ZMYM5: variants seen among roughly 807,000 people sequenced by gnomAD.
ZMYM5 encodes the protein zinc finger MYM-type containing 5.
Under a neutral mutation model 61.8 loss-of-function variants are expected in ZMYM5, and 41 were observed. The observed-to-expected ratio is 0.66, with a 90% CI of 0.52 to 0.86. The LOEUF (loss-of-function observed/expected upper bound fraction) is 0.86, where lower values mean the gene tolerates loss of function less well. ZMYM5 is among the 40% of genes least tolerant of loss of function. ZMYM5 has a pLI of 0.00. For synonymous variants in ZMYM5, 257 were observed against 276.4 expected, an observed-to-expected ratio of 0.93 and a Z score of 0.70; for missense variants, 706 against 786.7, an observed-to-expected ratio of 0.90 and a Z score of 1.23.
intron 7 of ZMYM5, among the ~76,000 whole-genome samples, chr13:19,828,008 G>T (rs1891001292): frequency 1.1e-5 from 1 of 93,458 alleles, no homozygotes; most frequent in African/African-American, 4.5e-5. Flanking sequence ...GACAGAGCGA[G>T]ACTCCATCTC....
chr13:19,831,432 T>C (rs1891208834), intron 7 of ZMYM5, among the ~76,000 whole-genome samples: 3 of 151,998 alleles, frequency 2.0e-5, no homozygotes, highest in Non-Finnish European at 4.4e-5. Context: ...ACTGAGTTAC[T>C]CTGTATTACT....
intron 2 of ZMYM5, among the ~76,000 whole-genome samples, chr13:19,854,232 T>A (rs1348364450): frequency 1.3e-5 from 2 of 152,074 alleles, no homozygotes; most frequent in Non-Finnish European, 2.9e-5. Flanking sequence ...ATGGTCTTGA[T>A]CTCTTGACCT....
At chr13:19,850,905 C>A (rs1433989471) in intron 4 of ZMYM5, among the ~76,000 whole-genome samples, 5 of 152,050 alleles carry the variant, frequency 3.3e-5, no homozygotes, top group African/African-American at 1.2e-4. Context: ...GTAAAATATT[C>A]TATCTTAATA....
At chr13:19,854,299 C>T (rs568215079) in intron 2 of ZMYM5, among the ~76,000 whole-genome samples, 2 of 152,274 alleles carry the variant, frequency 1.3e-5, no homozygotes, top group South Asian at 2.1e-4. Flanking sequence ...TAAGCCACTG[C>T]GCCCGGCCAA....
intron 7 of ZMYM5, among the ~76,000 whole-genome samples, chr13:19,826,170 AAAAAAAC>A (rs1796991820): frequency 6.6e-6 from 1 of 152,016 alleles, no homozygotes; most frequent in Admixed American, 6.6e-5. Flanking sequence ...TGTCTGGCTC[AAAAAAAC>A]AAAAAACAAG....
intron 2 of ZMYM5, among the ~76,000 whole-genome samples, chr13:19,858,321 GC>G: frequency 6.6e-6 from 1 of 151,970 alleles, no homozygotes; most frequent in African/African-American, 2.4e-5. Flanking sequence ...GCAGTATAAT[GC>G]CCCTGTAATC....
Position 19,824,660 on chromosome 13 carries a change from G to T in ZMYM5, c.1827C>A (p.Cys609Ter). 1 of 1,326,914 alleles carries T rather than the reference G, an allele frequency of 7.5e-7. No homozygotes were observed. The highest frequency in any genetic ancestry group is 1.0e-6 in the Non-Finnish European group (1 of 1,002,260). The allele number at this position is 1,326,914 out of a possible 1,614,324, so 82.2% of individuals were successfully genotyped here. The change falls in exon 8 of 8, where the codon TGC becomes TGA. Residue 609 changes from cysteine (C) to a stop codon, truncating the protein, a stop_gained. Transcript: ENST00000337963. LOFTEE classifies it high-confidence loss of function. ...TATGTGATAAATGTTGCCAATCTTT[G>T]CACCCATTTTCATTTTTCAGTTGAT... is the stretch of plus-strand genomic sequence containing the variant. ...GKNQLKNENGCKDWQHLSHIL... is the reference protein window; with the variant it reads ...GKNQLKNENG
At chr13:19,840,540 A>AT (rs1017319696) in intron 4 of ZMYM5, among the ~76,000 whole-genome samples, 2 of 151,932 alleles carry the variant, frequency 1.3e-5, no homozygotes, top group African/African-American at 2.4e-5. Flanking sequence ...CACCTGGCTA[A>AT]TTTTTTTATT....
At chr13:19,857,363 TAAAAC>T (rs1310191165) in intron 2 of ZMYM5, among the ~76,000 whole-genome samples, 1 of 152,138 alleles carries the variant, frequency 6.6e-6, no homozygotes, top group Non-Finnish European at 1.5e-5. Context: ...AGGGTTAACA[TAAAAC>T]AAAGAAATGA....
rs201022663 is a variant in ZMYM5 at position 19,861,569 on chromosome 13, G to A, written c.-11+830C>T. ...TAGTAGAAAGCAACTAGGGTAAAAG[G>A]AAGGCAGGAATACTACTATGGGAGA... On this transcript the variant is annotated intron_variant, in intron 2 of 7. Transcript: ENST00000337963. Among the ~76,000 whole-genome samples, 14 of 152,336 alleles carry A rather than the reference G, an allele frequency of 9.2e-5. No individual in the cohort carries two copies. The East Asian group carries it at 2.7e-3, about 29-fold the overall frequency.
rs1330367700 is a variant in ZMYM5, at chr13:19,862,473, T to G, written c.-78-7A>C. ...TTGAAGGTGATTCCTGGTCCTAGAA[T>G]GAGAATTGAAAACCAATTTCGGTAC... On this transcript the variant is annotated splice_region_variant and splice_polypyrimidine_tract_variant and intron_variant, in intron 1 of 7. Coordinates refer to ENST00000337963, the MANE Select transcript of ZMYM5 (RefSeq NM_001142684.2). 3 of 151,936 alleles carry G rather than the reference T, an allele frequency of 2.0e-5. No individual in the cohort carries two copies. Among genetic ancestry groups the G allele is most frequent in the Non-Finnish European group, 4.4e-5 (3 of 68,048 alleles). 9.4% of individuals were successfully genotyped at this position (151,936 alleles called of 1,614,324 possible).
At chr13:19,856,578 T>C (rs909671980) in intron 2 of ZMYM5, among the ~76,000 whole-genome samples, 1 of 150,812 alleles carries the variant, frequency 6.6e-6, no homozygotes, top group African/African-American at 2.4e-5. Context: ...AGGCAGAGGT[T>C]GAGGTGACCT....
chr13:19,857,092 C>T (rs1019982565), intron 2 of ZMYM5, among the ~76,000 whole-genome samples: 23 of 152,120 alleles, frequency 1.5e-4, no homozygotes, highest in Admixed American at 1.3e-3. Context: ...GGCGACAGAG[C>T]GAGACTCCGT....
intron 4 of ZMYM5, among the ~76,000 whole-genome samples, chr13:19,840,978 A>G: frequency 7.1e-6 from 1 of 140,544 alleles, no homozygotes; most frequent in Non-Finnish European, 1.5e-5. Flanking sequence ...CGCCCGGCCC[A>G]CCTGGCCACT....
chr13:19,837,294 C>T (rs533726410), intron 6 of ZMYM5, among the ~76,000 whole-genome samples: 1 of 152,262 alleles, frequency 6.6e-6, no homozygotes, highest in South Asian at 2.1e-4. Flanking sequence ...GCTGGGATTA[C>T]AGATGTGAGC....
At position 19,851,975 on chromosome 13, in the gene ZMYM5, G is replaced by A; in HGVS notation, c.206C>T (p.Pro69Leu). The A allele has an allele frequency of 6.2e-7, 1 of 1,613,968 alleles. No homozygotes were observed. The highest frequency in any genetic ancestry group is 1.1e-5 in the South Asian group (1 of 91,078). Residue 69 changes from proline (P) to leucine (L), a missense_variant, in exon 3 of 8, where the codon CCT becomes CTT. Physicochemically the swap from Pro to Leu is moderately conservative, Grantham distance 98. This residue lies in a region of ZMYM5 where 480 missense variants were observed against 461.7 expected (regional missense o/e 1.04). Coordinates refer to ENST00000337963, the MANE Select transcript of ZMYM5 (RefSeq NM_001142684.2). ...DVVFIESIQP[P>L]SISAPAIADQ... is the part of the protein sequence containing the mutation. ...AGCTATTGCTGGAGCAGAAATTGAA[G>A]GAGGTTGTATAGATTCAATAAACAC... is the stretch of plus-strand genomic sequence containing the variant.
At chr13:19,858,365 G>A (rs1184118975) in intron 2 of ZMYM5, among the ~76,000 whole-genome samples, 1 of 151,812 alleles carries the variant, frequency 6.6e-6, no homozygotes, top group African/African-American at 2.4e-5. Flanking sequence ...CAGGTGGATC[G>A]CTTGAGTCCA....
chr13:19,836,588 T>C (rs1299443701), intron 6 of ZMYM5, among the ~76,000 whole-genome samples: 2 of 152,166 alleles, frequency 1.3e-5, no homozygotes, highest in Non-Finnish European at 2.9e-5. Context: ...GGATTATATG[T>C]ATGAGTCACT....
Position 19,860,470 on chromosome 13 carries a change from G to GTGTGTGTGTGTA in ZMYM5, c.-11+1928_-11+1929insTACACACACACA, listed in dbSNP as rs71070254. Among the ~76,000 whole-genome samples the GTGTGTGTGTGTA allele has an allele frequency of 8.1e-4, 110 of 136,382 alleles. 1 individual carries two copies. Among genetic ancestry groups the GTGTGTGTGTGTA allele is most frequent in the Non-Finnish European group, 1.3e-3 (84 of 64,420 alleles). The allele number at this position is 136,382 out of a possible 152,430, so 89.5% of individuals were successfully genotyped here. On this transcript the variant is annotated intron_variant, in intron 2 of 7. Coordinates refer to ENST00000337963, the MANE Select transcript of ZMYM5 (RefSeq NM_001142684.2). The stretch of plus-strand genomic sequence containing the variant: ...TGTATGTGTGTGTGTGTGTGTGTGT[G>GTGTGTGTGTGTA]TATTTTTTTTTTTGTAGTGACAGGG...
Sources: allele counts gnomAD v4.1 joint callset (sites outside exome capture counted in the v4.1 genomes callset), GRCh38; gene constraint gnomAD v4.1.1; regional missense constraint gnomAD v4.1.1; transcripts MANE v1.5; gene names NCBI Gene and HGNC (gene_info 2026-07-23, HGNC 2026-07-21).